Variants in PRTG observed in about 807,000 individuals in gnomAD.
PRTG encodes the protein protogenin, also known as immunoglobulin superfamily, DCC subclass, member 5.
In PRTG, 67 loss-of-function variants were observed where a neutral mutation model predicts 122.5. That is an observed-to-expected ratio of 0.55 (90% CI 0.45 to 0.67). The LOEUF (loss-of-function observed/expected upper bound fraction) is 0.67. Ranked by LOEUF, PRTG falls within the 30% of genes least tolerant of loss-of-function variation. The probability of loss-of-function intolerance (pLI) is 0.00; values close to 1 mark genes in which losing one functional copy is unlikely to be tolerated. For missense variants in PRTG, 1,435 were observed against 1,415.4 expected (o/e 1.01, Z -0.22); for synonymous variants, 554 against 501.1 (o/e 1.11, Z -1.41).
At chr15:55,699,909 G>A (rs1293570672) in intron 2 of PRTG, among the ~76,000 whole-genome samples, 1 of 152,164 alleles carries the variant, frequency 6.6e-6, no homozygotes, top group East Asian at 1.9e-4. Flanking sequence ...GCCCAGGCCA[G>A]CCCTGTCCTT....
At chr15:55,641,971 G>A (rs2059293169) in intron 11 of PRTG, among the ~76,000 whole-genome samples, 1 of 149,166 alleles carries the variant, frequency 6.7e-6, no homozygotes, top group Non-Finnish European at 1.5e-5. Flanking sequence ...TCAGGAGATC[G>A]AGACCATCCT....
chr15:55,686,917 C>T (rs1009974734), intron 2 of PRTG, among the ~76,000 whole-genome samples: 23 of 152,072 alleles, frequency 1.5e-4, no homozygotes, highest in African/African-American at 3.6e-4. Flanking sequence ...AAGTGGTTTC[C>T]GACCCTTTTC....
intron 11 of PRTG, among the ~76,000 whole-genome samples, chr15:55,671,440 C>T (rs932208464): frequency 6.6e-6 from 1 of 152,206 alleles, no homozygotes; most frequent in Non-Finnish European, 1.5e-5. Flanking sequence ...GCTAAGTGTA[C>T]ATTTTATACC....
intron 2 of PRTG, among the ~76,000 whole-genome samples, chr15:55,709,818 T>A (rs1317431845): frequency 6.6e-6 from 1 of 152,168 alleles, no homozygotes. Flanking sequence ...TAATCTATAG[T>A]GACAGAAAGC....
intron 13 of PRTG, 23 bp from the exon 14 acceptor site, chr15:55,638,699 T>G (rs368112528): frequency 6.2e-7 from 1 of 1,604,084 alleles, no homozygotes; most frequent in South Asian, 1.1e-5. Flanking sequence ...GTGATGAAGT[T>G]GTTAATGCTG....
At chr15:55,679,502 G>C in intron 6 of PRTG, 57 bp from the exon 7 acceptor site, 1 of 1,373,438 alleles carries the variant, frequency 7.3e-7, no homozygotes, top group Non-Finnish European at 1.0e-6. Flanking sequence ...ATGATGTAAA[G>C]GGTCAAGGAA....
intron 11 of PRTG, among the ~76,000 whole-genome samples, chr15:55,653,291 T>C (rs56383526): frequency 0.029 from 4,414 of 152,230 alleles, 225 homozygotes; most frequent in African/African-American, 0.1. Context: ...TGATACACTC[T>C]TTTGTTTTGC....
intron 2 of PRTG, among the ~76,000 whole-genome samples, chr15:55,727,736 C>T (rs2031085583): frequency 6.6e-6 from 1 of 152,220 alleles, no homozygotes; most frequent in South Asian, 2.1e-4. Flanking sequence ...GCAGTGGTTG[C>T]AGTGAGCCAA....
At chr15:55,725,559 GC>G (rs1238249943) in intron 2 of PRTG, among the ~76,000 whole-genome samples, 1 of 151,560 alleles carries the variant, frequency 6.6e-6, no homozygotes, top group African/African-American at 2.4e-5. Flanking sequence ...TCGTGCTACT[GC>G]CCTCCAGTCT....
Position 55,672,431 on chromosome 15 carries a change from A to T in PRTG, c.2041+14T>A. 1 of 1,605,116 alleles carries T rather than the reference A, an allele frequency of 6.2e-7. No homozygotes were observed. Among genetic ancestry groups the T allele is most frequent in the Non-Finnish European group, 8.5e-7 (1 of 1,175,416 alleles). On this transcript the variant is annotated intron_variant, in intron 11 of 19. Transcript: ENST00000389286. ...GGAAGGAAAAAGGGAAAAATACAGT[A>T]CAAACTCACTCACCTAAGCCACTGA... is the stretch of plus-strand genomic sequence containing the variant.
intron 17 of PRTG, among the ~76,000 whole-genome samples, chr15:55,626,281 C>T (rs1595601342): frequency 6.6e-6 from 1 of 151,804 alleles, no homozygotes; most frequent in Non-Finnish European, 1.5e-5. Flanking sequence ...TGGTGGCAGG[C>T]GCTTGTAATG....
intron 2 of PRTG, among the ~76,000 whole-genome samples, chr15:55,692,835 C>CTTTTTT (rs774248341): frequency 7.7e-4 from 58 of 74,960 alleles, no homozygotes; most frequent in East Asian, 2.5e-3. Context: ...AATGCAATCT[C>CTTTTTT]TTTTTTTTTT....
At chr15:55,714,684 T>C (rs2030533795) in intron 2 of PRTG, among the ~76,000 whole-genome samples, 1 of 152,204 alleles carries the variant, frequency 6.6e-6, no homozygotes, top group Non-Finnish European at 1.5e-5. Flanking sequence ...TTGTGCCCAC[T>C]CAACTCTCTT....
At position 55,734,666 on chromosome 15, in the gene PRTG, T is replaced by C. The variant is rs1404012422; in HGVS notation, c.397+5716A>G. Among the ~76,000 whole-genome samples, 7 of 151,928 alleles carry C rather than the reference T, an allele frequency of 4.6e-5. No individual in the cohort carries two copies. The East Asian group carries it at 1.2e-3, about 25-fold the overall frequency. ...CTCTGGAAACTGAAAAAACAAACAT[T>C]TTTAAATTCATGCCTTCTGCTCAGT... is the stretch of plus-strand genomic sequence containing the variant. On this transcript the variant is annotated intron_variant, in intron 2 of 19. Coordinates refer to ENST00000389286, the MANE Select transcript of PRTG (RefSeq NM_173814.6).
chr15:55,652,469 C>A (rs547338448), intron 11 of PRTG, among the ~76,000 whole-genome samples: 16 of 152,146 alleles, frequency 1.1e-4, no homozygotes, highest in Admixed American at 4.6e-4. Flanking sequence ...TGCAGTCCAA[C>A]TGGAGAGCTC....
chr15:55,670,881 C>A (rs1375227625), intron 11 of PRTG, among the ~76,000 whole-genome samples: 1 of 148,562 alleles, frequency 6.7e-6, no homozygotes, highest in Non-Finnish European at 1.5e-5. Flanking sequence ...GCCTGGGCAA[C>A]AAGAGTAAAA....
intron 2 of PRTG, among the ~76,000 whole-genome samples, chr15:55,734,136 C>A (rs2031333242): frequency 6.6e-6 from 1 of 152,122 alleles, no homozygotes; most frequent in South Asian, 2.1e-4. Context: ...CAGGACAGCA[C>A]CACAACAGAA....
At chr15:55,722,280 A>G (rs1433639248) in intron 2 of PRTG, among the ~76,000 whole-genome samples, 1 of 152,240 alleles carries the variant, frequency 6.6e-6, no homozygotes, top group African/African-American at 2.4e-5. Context: ...TTGCACAACT[A>G]TACTGTTTTA....
intron 2 of PRTG, among the ~76,000 whole-genome samples, chr15:55,713,935 T>G (rs984060816): frequency 1.3e-5 from 2 of 152,306 alleles, no homozygotes; most frequent in African/African-American, 4.8e-5. Flanking sequence ...ATTAATTTTT[T>G]TCTTCATGGG....
Sources: allele counts gnomAD v4.1 joint callset (sites outside exome capture counted in the v4.1 genomes callset), GRCh38; gene constraint gnomAD v4.1.1; transcripts MANE v1.5; gene names NCBI Gene and HGNC (gene_info 2026-07-23, HGNC 2026-07-21).